Variants in MTCH1 observed in about 807,000 individuals in gnomAD.
MTCH1 encodes the protein mitochondrial carrier homolog 1.
In MTCH1, 23 loss-of-function variants were observed where a neutral mutation model predicts 49.3. The ratio of observed to expected loss-of-function variants is 0.47; its 90% confidence interval spans 0.34 to 0.66. MTCH1 has a LOEUF of 0.66. Among genes scored for constraint, MTCH1 ranks in the 30% least tolerant of loss-of-function variants. The pLI is 0.01. For synonymous variants in MTCH1, 229 were observed against 215.2 expected, an observed-to-expected ratio of 1.06 and a Z score of -0.56; for missense variants, 397 against 532.1, an observed-to-expected ratio of 0.75 and a Z score of 2.50.
At chr6:36,984,757 G>A (rs1466682947) in intron 1 of MTCH1, among the ~76,000 whole-genome samples, 4 of 151,970 alleles carry the variant, frequency 2.6e-5, no homozygotes, top group Non-Finnish European at 4.4e-5. Context: ...CGCATTGCTG[G>A]CCACCACCAA....
In MTCH1 at chr6:36,968,730, C is replaced by G. The variant is rs989169407; in HGVS notation, c.*173G>C. 4 of 1,073,358 alleles carry G rather than the reference C, an allele frequency of 3.7e-6. No homozygotes were observed. The South Asian group carries it at 5.4e-5, about 14-fold the overall frequency. 66.5% of individuals were successfully genotyped at this position (1,073,358 alleles called of 1,614,324 possible). A position where few individuals can be genotyped will look rare whatever the true frequency, so the allele number is the denominator to read the frequency against. The stretch of plus-strand genomic sequence containing the variant: ...ACCCAATCCACTGGGTGCAGCCCCA[C>G]CCCCGCTCAACCCCACATCTGGACA... On this transcript the variant is annotated 3_prime_UTR_variant, in exon 12 of 12. Coordinates refer to ENST00000373627, the MANE Select transcript of MTCH1 (RefSeq NM_001271641.2).
Position 36,972,733 on chromosome 6 carries a change from G to A in MTCH1, c.825C>T (p.His275=), listed in dbSNP as rs1763727374. 6.4e-7 allele frequency: 1 copy of A among 1,553,540 alleles called. No homozygotes were observed. The highest frequency in any genetic ancestry group is 8.7e-7 in the Non-Finnish European group (1 of 1,147,860). Residue 275 remains histidine (H), a synonymous_variant, in exon 8 of 12, where the codon CAC becomes CAT. Coordinates refer to ENST00000373627, the MANE Select transcript of MTCH1 (RefSeq NM_001271641.2). This position sits in a 1 kb window ranked among gnomAD's most constrained non-coding sequence, Gnocchi z 4.1. ...CATCCACCAGGTAGGCATTGATGAA[G>A]TGGGCCAGCAGGTTACAGCCCCACA... ...VFLWGCNLLA[H]FINAYLVDDS... is the part of the protein sequence containing the mutation.
chr6:36,975,966 C>A (rs1763865215), intron 6 of MTCH1, among the ~76,000 whole-genome samples: 1 of 152,226 alleles, frequency 6.6e-6, no homozygotes, highest in South Asian at 2.1e-4. Context: ...TAGCAGTCCT[C>A]TACTGGTGTT....
In MTCH1 at chr6:36,972,832, G is replaced by A. The variant is rs763511901; in HGVS notation, c.762-36C>T. 1.3e-6 allele frequency: 2 copies of A among 1,527,584 alleles called. No homozygotes were observed. The highest frequency in any genetic ancestry group is 1.4e-5 in the African/African-American group (1 of 72,694). 94.6% of individuals were successfully genotyped at this position (1,527,584 alleles called of 1,614,324 possible). ...AGGTAAGCAGAGATGAGCAGGAGAG[G>A]GAGAGGAGCAGTTCCTGGGGGCTCC... On this transcript the variant is annotated intron_variant, in intron 7 of 11. Coordinates refer to ENST00000373627, the MANE Select transcript of MTCH1 (RefSeq NM_001271641.2). The surrounding 1 kb of genome is among the most constrained non-coding windows in gnomAD (Gnocchi z 4.1).
intron 7 of MTCH1, among the ~76,000 whole-genome samples, chr6:36,974,265 A>C (rs1164589909): frequency 2.6e-5 from 4 of 152,074 alleles, no homozygotes; most frequent in Admixed American, 2.6e-4. Context: ...CAGTGGTGCA[A>C]TCATAGCTCA....
intron 2 of MTCH1, among the ~76,000 whole-genome samples, chr6:36,979,933 C>A (rs927098612): frequency 3.0e-4 from 46 of 152,188 alleles, no homozygotes; most frequent in Admixed American, 2.6e-4. Context: ...CCTGCAGGGG[C>A]CTCTGTGGGT....
intron 11 of MTCH1, 40 bp from the exon 12 acceptor site, chr6:36,969,014 C>T (rs770106826): frequency 6.2e-7 from 1 of 1,609,144 alleles, no homozygotes; most frequent in Non-Finnish European, 8.5e-7. Flanking sequence ...AAAGGGAGGC[C>T]ACGCTTCCTT....
intron 2 of MTCH1, among the ~76,000 whole-genome samples, chr6:36,979,962 C>G (rs1250952585): frequency 3.3e-5 from 5 of 152,214 alleles, no homozygotes; most frequent in Non-Finnish European, 7.3e-5. Context: ...CTCCCTCATT[C>G]TGGGTCTTTC....
At position 36,972,837 on chromosome 6, in the gene MTCH1, G is replaced by C; in HGVS notation, c.762-41C>G. The C allele has an allele frequency of 5.3e-6, 8 of 1,515,892 alleles. No homozygotes were observed. The highest frequency in any genetic ancestry group is 1.2e-5 in the South Asian group (1 of 82,398). 93.9% of individuals were successfully genotyped at this position (1,515,892 alleles called of 1,614,324 possible). A position where few individuals can be genotyped will look rare whatever the true frequency, so the allele number is the denominator to read the frequency against. ...AGCAGAGATGAGCAGGAGAGGGAGAGGAGCAGTTCCTGGGGGCTCCACACC... is the reference window on the plus strand; with the variant it reads ...AGCAGAGATGAGCAGGAGAGGGAGACGAGCAGTTCCTGGGGGCTCCACACC... On this transcript the variant is annotated intron_variant, in intron 7 of 11. Transcript: ENST00000373627. This position sits in a 1 kb window ranked among gnomAD's most constrained non-coding sequence, Gnocchi z 4.1.
chr6:36,976,438 C>T (rs1296405653), intron 6 of MTCH1: 3 of 434,704 alleles, frequency 6.9e-6, no homozygotes, highest in East Asian at 7.4e-5. Flanking sequence ...CTGCCAGGCC[C>T]GGCCCCACCA....
chr6:36,969,848 C>G, intron 11 of MTCH1, 191 bp downstream of exon 11: 2 of 1,530,738 alleles, frequency 1.3e-6, no homozygotes, highest in Non-Finnish European at 1.8e-6. Flanking sequence ...CCACACTTAG[C>G]CACCTCAAAT....
intron 11 of MTCH1, 62 bp downstream of exon 11, chr6:36,969,977 C>T: frequency 6.3e-7 from 1 of 1,596,066 alleles, no homozygotes; most frequent in Non-Finnish European, 8.5e-7. Flanking sequence ...TCCACAAAAC[C>T]ATTTCAGCTG....
chr6:36,970,155 G>T (rs1315247818), intron 10 of MTCH1, 41 bp from the exon 11 acceptor site: 1 of 1,600,578 alleles, frequency 6.2e-7, no homozygotes, highest in African/African-American at 1.3e-5. Context: ...AACAGTGGAA[G>T]ACAGCCAGCC....
At chr6:36,976,691 C>T (rs1763890631) in intron 6 of MTCH1, 3 of 423,084 alleles carry the variant, frequency 7.1e-6, no homozygotes, top group East Asian at 7.1e-5. Flanking sequence ...GACCCACCTC[C>T]GTGTCAACAC....
intron 8 of MTCH1, among the ~76,000 whole-genome samples, chr6:36,971,755 G>A (rs561138332): frequency 1.3e-5 from 2 of 152,164 alleles, no homozygotes; most frequent in South Asian, 2.1e-4. Flanking sequence ...TGGCAGACAC[G>A]TCCCCAGGCC....
chr6:36,977,622 G>A lies in MTCH1; in HGVS notation c.649+12C>T, dbSNP rs545190017. On this transcript the variant is annotated intron_variant, in intron 5 of 11. Transcript: ENST00000373627. This position sits in a 1 kb window ranked among gnomAD's most constrained non-coding sequence, Gnocchi z 5.4. ...GCTTAGATACAGTCTCGGGGGAAGGGGGGTGGCTTACCATGCAGGGGGTGG... is the reference window on the plus strand; with the variant it reads ...GCTTAGATACAGTCTCGGGGGAAGGAGGGTGGCTTACCATGCAGGGGGTGG... 3.3e-5 allele frequency: 52 copies of A among 1,581,888 alleles called. No homozygotes were observed. The South Asian group carries it at 3.5e-4, about 11-fold the overall frequency.
At chr6:36,968,995 A>T in intron 11 of MTCH1, 21 bp from the exon 12 acceptor site, 1 of 1,612,916 alleles carries the variant, frequency 6.2e-7, no homozygotes, top group Non-Finnish European at 8.5e-7. Flanking sequence ...AGGAAAAGTA[A>T]GGTGAGTGAA....
At position 36,985,954 on chromosome 6, in the gene MTCH1, ACCCCAGG is replaced by A; in HGVS notation, c.213_219del (p.Ser74ThrfsTer17). ...TCAGTGGTCGGGGCGTTGTCCCCAGACCCCAGGCCCCCTGACCCGCCATCCATCCTGC... is the reference window on the plus strand; with the variant it reads ...TCAGTGGTCGGGGCGTTGTCCCCAGACCCCCTGACCCGCCATCCATCCTGC... On this transcript the variant is annotated frameshift_variant, in exon 1 of 12. Transcript: ENST00000373627. LOFTEE classifies it high-confidence loss of function. The A allele has an allele frequency of 6.5e-7, 1 of 1,549,210 alleles. No individual in the cohort carries two copies. Among genetic ancestry groups the A allele is most frequent in the South Asian group, 1.2e-5 (1 of 84,038 alleles).
intron 11 of MTCH1, chr6:36,969,418 C>G (rs1003202660): frequency 9.4e-7 from 1 of 1,063,914 alleles, no homozygotes; most frequent in Non-Finnish European, 1.1e-6. Flanking sequence ...CATTTCACTG[C>G]GAGGCAAATC....
Sources: gnomAD v4.1 joint callset for allele counts (sites outside exome capture counted in the v4.1 genomes callset) on GRCh38, gnomAD v4.1.1 for gene constraint, Gnocchi (gnomAD v3.1) non-coding constraint, MANE v1.5 for transcripts, NCBI Gene and HGNC (gene_info 2026-07-23, HGNC 2026-07-21) for gene names.